Variants in PEBP4 observed in about 807,000 individuals in gnomAD.
PEBP4 encodes the protein phosphatidylethanolamine-binding protein 4.
PEBP4 carries 22 observed loss-of-function variants against 23.9 expected under a neutral mutation model. That is an observed-to-expected ratio of 0.92 (90% CI 0.66 to 1.31). PEBP4 has a LOEUF of 1.31. Among genes scored for constraint, PEBP4 ranks in the 40% most tolerant of loss-of-function variants. The pLI, the probability that PEBP4 is intolerant of heterozygous loss-of-function variation, is 0.00. For missense variants in PEBP4, 324 were observed against 281.7 expected (o/e 1.15, Z -1.07); for synonymous variants, 112 against 99.3 (o/e 1.13, Z -0.76).
chr8:22,901,193 T>C (rs940360996), intron 3 of PEBP4, among the ~76,000 whole-genome samples: 4 of 152,118 alleles, frequency 2.6e-5, no homozygotes, highest in Admixed American at 1.3e-4. Flanking sequence ...AATTTTCACA[T>C]TGGGTGGGGC....
chr8:22,934,751 G>A (rs1390574522), intron 1 of PEBP4, among the ~76,000 whole-genome samples: 2 of 152,194 alleles, frequency 1.3e-5, no homozygotes, highest in African/African-American at 2.4e-5. Context: ...ATAAGTCATT[G>A]AGTCATTGTC....
intron 3 of PEBP4, among the ~76,000 whole-genome samples, chr8:22,837,985 A>G (rs1242083744): frequency 7.4e-6 from 1 of 135,620 alleles, no homozygotes; most frequent in African/African-American, 2.8e-5. Context: ...TGCAACCTCA[A>G]TCTCCTGGGC....
At chr8:22,734,193 G>A (rs762563361) in intron 4 of PEBP4, among the ~76,000 whole-genome samples, 13 of 152,216 alleles carry the variant, frequency 8.5e-5, no homozygotes, top group Admixed American at 2.0e-4. Flanking sequence ...CAGCTCCCAG[G>A]CTCTGAGGTC....
chr8:22,811,977 C>T (rs748504604), intron 4 of PEBP4, among the ~76,000 whole-genome samples: 1 of 152,226 alleles, frequency 6.6e-6, no homozygotes, highest in Non-Finnish European at 1.5e-5. Flanking sequence ...CAAAGTCCTA[C>T]TATTCTGTGT....
At chr8:22,752,816 G>C (rs1805297600) in intron 4 of PEBP4, among the ~76,000 whole-genome samples, 1 of 152,194 alleles carries the variant, frequency 6.6e-6, no homozygotes, top group Non-Finnish European at 1.5e-5. Context: ...AAAGGGAAGA[G>C]GTCGTCATCT....
At chr8:22,856,434 G>C (rs938909642) in intron 3 of PEBP4, among the ~76,000 whole-genome samples, 1 of 152,154 alleles carries the variant, frequency 6.6e-6, no homozygotes, top group African/African-American at 2.4e-5. Context: ...ACCTTGAAAA[G>C]GGCTGAGAGA....
chr8:22,855,006 A>ACGCG (rs764667201), intron 3 of PEBP4, among the ~76,000 whole-genome samples: 2 of 18,358 alleles, frequency 1.1e-4, no homozygotes, highest in Non-Finnish European at 2.5e-4. Context: ...GCACGCACAC[A>ACGCG]CACACACACA....
chr8:22,829,875 C>G (rs1807044604), intron 3 of PEBP4, among the ~76,000 whole-genome samples: 1 of 152,194 alleles, frequency 6.6e-6, no homozygotes, highest in Non-Finnish European at 1.5e-5. Context: ...CCACTAACTC[C>G]TTAATCCAAT....
chr8:22,795,163 A>ATTTTTATTTT (rs1806221707), intron 4 of PEBP4, among the ~76,000 whole-genome samples: 1 of 47,346 alleles, frequency 2.1e-5, no homozygotes, highest in Non-Finnish European at 3.4e-5. Flanking sequence ...ATATATATAT[A>ATTTTTATTTT]TTTTTTTTTT....
intron 4 of PEBP4, among the ~76,000 whole-genome samples, chr8:22,733,840 T>G: frequency 8.6e-5 from 1 of 11,650 alleles, no homozygotes; most frequent in African/African-American, 2.8e-4. Flanking sequence ...GATGGGGGAA[T>G]TGGGGAGGGT....
intron 4 of PEBP4, among the ~76,000 whole-genome samples, chr8:22,808,028 T>C (rs1003275692): frequency 2.0e-5 from 3 of 151,146 alleles, no homozygotes; most frequent in Non-Finnish European, 3.0e-5. Flanking sequence ...ACCTAATCTT[T>C]ATCCATCCAT....
At chr8:22,737,086 G>A (rs1270691543) in intron 4 of PEBP4, among the ~76,000 whole-genome samples, 2 of 152,094 alleles carry the variant, frequency 1.3e-5, no homozygotes, top group South Asian at 2.1e-4. Context: ...TTGAGGTCAG[G>A]AGTTCGAGAC....
chr8:22,776,436 C>A (rs1014534399), intron 4 of PEBP4, among the ~76,000 whole-genome samples: 1 of 151,886 alleles, frequency 6.6e-6, no homozygotes, highest in African/African-American at 2.4e-5. Context: ...CATGTGAGTA[C>A]CTTTGAACCT....
At chr8:22,740,382 A>C (rs1393415833) in intron 4 of PEBP4, among the ~76,000 whole-genome samples, 1 of 152,206 alleles carries the variant, frequency 6.6e-6, no homozygotes. Flanking sequence ...CCCTCAGAGC[A>C]GCAGCAGTGT....
At chr8:22,907,389 G>C (rs748745291) in intron 3 of PEBP4, among the ~76,000 whole-genome samples, 1 of 152,194 alleles carries the variant, frequency 6.6e-6, no homozygotes, top group Non-Finnish European at 1.5e-5. Context: ...GTGCACACCT[G>C]TAGTCCCAGC....
chr8:22,806,211 T>C (rs1806491903), intron 4 of PEBP4, among the ~76,000 whole-genome samples: 1 of 152,236 alleles, frequency 6.6e-6, no homozygotes, highest in African/African-American at 2.4e-5. Context: ...AATTTCTCAA[T>C]GCAGGCACAT....
At chr8:22,864,104 C>T (rs1807834300) in intron 3 of PEBP4, among the ~76,000 whole-genome samples, 1 of 152,214 alleles carries the variant, frequency 6.6e-6, no homozygotes, top group Admixed American at 6.5e-5. Context: ...CCTCCAACTT[C>T]ATACTGCTTT....
intron 3 of PEBP4, among the ~76,000 whole-genome samples, chr8:22,905,967 A>T (rs1192051137): frequency 6.6e-6 from 1 of 152,214 alleles, no homozygotes; most frequent in East Asian, 1.9e-4. Flanking sequence ...GAAATCAAGG[A>T]ATCCAATTCC....
chr8:22,783,963 C>T lies in PEBP4; in HGVS notation c.357+33674G>A, dbSNP rs560110846. Among the ~76,000 whole-genome samples the T allele has an allele frequency of 2.7e-5, 4 of 150,340 alleles. No individual in the cohort carries two copies. In the East Asian group the frequency reaches 7.7e-4, roughly 29 times the overall value. On this transcript the variant is annotated intron_variant, in intron 4 of 6. Transcript: ENST00000256404. The stretch of plus-strand genomic sequence containing the variant: ...CTGTTTTCAAGCACTTCCTGCCCAC[C>T]AGGAGGGGAAGAGATCACTGGCTTT...
Sources: gnomAD v4.1 joint callset for allele counts (sites outside exome capture counted in the v4.1 genomes callset) on GRCh38, gnomAD v4.1.1 for gene constraint, MANE v1.5 for transcripts, NCBI Gene and HGNC (gene_info 2026-07-23, HGNC 2026-07-21) for gene names.